DYNC2I1: variants seen among roughly 807,000 people sequenced by gnomAD.
DYNC2I1 encodes dynein 2 intermediate chain 1.
A neutral mutation model predicts 133.4 loss-of-function variants in DYNC2I1; 89 were observed. That is an observed-to-expected ratio of 0.67 (90% CI 0.56 to 0.80). The LOEUF (loss-of-function observed/expected upper bound fraction) is 0.80, where lower values mean the gene tolerates loss of function less well. Among genes scored for constraint, DYNC2I1 ranks in the 30% least tolerant of loss-of-function variants. The pLI, the probability that DYNC2I1 is intolerant of heterozygous loss-of-function variation, is 0.00. For missense variants in DYNC2I1, 1,291 were observed against 1,314.5 expected, an observed-to-expected ratio of 0.98 and a Z score of 0.28; for synonymous variants, 504 against 484.3, an observed-to-expected ratio of 1.04 and a Z score of -0.54.
upstream of DYNC2I1, among the ~76,000 whole-genome samples, chr7:158,855,785 G>A (rs1475246619): frequency 6.6e-6 from 1 of 152,098 alleles, no homozygotes; most frequent in Non-Finnish European, 1.5e-5. Flanking sequence ...GAGTTCGGAG[G>A]TCCTGAGAGT....
At chr7:158,843,190 G>A in the DYNC2I1 span, among the ~76,000 whole-genome samples, 1 of 152,154 alleles carries the variant, frequency 6.6e-6, no homozygotes, top group South Asian at 2.1e-4. Flanking sequence ...CACCTCCCGG[G>A]TTCAAGTGAT....
At chr7:158,923,114 A>G (rs1404901941) in intron 16 of DYNC2I1, among the ~76,000 whole-genome samples, 4 of 152,176 alleles carry the variant, frequency 2.6e-5, no homozygotes, top group African/African-American at 9.7e-5. Flanking sequence ...TGTTTGGGAA[A>G]ATGTGCATTT....
At chr7:158,848,613 T>G in the DYNC2I1 span, among the ~76,000 whole-genome samples, 4 of 152,140 alleles carry the variant, frequency 2.6e-5, no homozygotes, top group Non-Finnish European at 2.9e-5. Context: ...ACAAAGGTCT[T>G]TACAACACCA....
At position 158,869,882 on chromosome 7, in the gene DYNC2I1, G is replaced by A; in HGVS notation, c.43G>A (p.Ala15Thr). ...AAGAACCAAAGATGATACCTGGAAA[G>A]CAGATGACCTCAGAAAACATCTCTG... is the stretch of plus-strand genomic sequence containing the variant. ...KRRTKDDTWK[A>T]DDLRKHLWAI... The change falls in exon 2 of 25, where the codon GCA becomes ACA. Residue 15 changes from alanine (A) to threonine (T), a missense_variant. Coordinates refer to ENST00000407559, the MANE Select transcript of DYNC2I1 (RefSeq NM_018051.5). 1 of 1,613,490 alleles carries A rather than the reference G, an allele frequency of 6.2e-7. No homozygotes were observed. Among genetic ancestry groups the A allele is most frequent in the Non-Finnish European group, 8.5e-7 (1 of 1,179,482 alleles).
intron 3 of DYNC2I1, among the ~76,000 whole-genome samples, chr7:158,875,534 C>T (rs952781393): frequency 2.0e-5 from 3 of 152,232 alleles, no homozygotes; most frequent in Non-Finnish European, 4.4e-5. Context: ...GAAAGTCCAG[C>T]TTTCCTTGTT....
the DYNC2I1 span, among the ~76,000 whole-genome samples, chr7:158,841,217 A>ATTTTT: frequency 2.6e-4 from 18 of 69,122 alleles, 2 homozygotes; most frequent in African/African-American, 1.1e-3. Context: ...ATATATATAT[A>ATTTTT]TATATTTTAG....
chr7:158,929,332 G>T (rs1849954821), intron 20 of DYNC2I1, among the ~76,000 whole-genome samples: 1 of 152,258 alleles, frequency 6.6e-6, no homozygotes, highest in African/African-American at 2.4e-5. Context: ...GAAGACCCCA[G>T]CCCGGGAGAG....
chr7:158,901,208 A>G (rs1434627969), intron 8 of DYNC2I1, among the ~76,000 whole-genome samples: 5 of 152,114 alleles, frequency 3.3e-5, no homozygotes, highest in Non-Finnish European at 2.9e-5. Context: ...GTAGCTGGGA[A>G]CACAGGTGCA....
intron 2 of DYNC2I1, 82 bp from the exon 3 acceptor site, chr7:158,871,060 G>C (rs139200303): frequency 1.4e-6 from 2 of 1,462,804 alleles, no homozygotes; most frequent in Non-Finnish European, 1.8e-6. Context: ...TCAGCTGTGT[G>C]TGCTTCTCAC....
the DYNC2I1 span, among the ~76,000 whole-genome samples, chr7:158,841,937 G>A: frequency 3.3e-5 from 5 of 152,340 alleles, no homozygotes; most frequent in East Asian, 1.9e-4. Context: ...TGTGACTGCC[G>A]GTGGAAGCTC....
intron 15 of DYNC2I1, among the ~76,000 whole-genome samples, chr7:158,920,082 C>T (rs1261079591): frequency 3.4e-5 from 5 of 147,664 alleles, no homozygotes; most frequent in Admixed American, 1.3e-4. Flanking sequence ...TGTATGGCAG[C>T]GCCGGGCCTC....
chr7:158,861,739 G>T (rs1841886006), intron 1 of DYNC2I1, among the ~76,000 whole-genome samples: 1 of 152,218 alleles, frequency 6.6e-6, no homozygotes, highest in Non-Finnish European at 1.5e-5. Flanking sequence ...GTTAGAAGCA[G>T]CCTGTGTGGT....
chr7:158,934,721 G>A (rs1375147216), intron 23 of DYNC2I1, among the ~76,000 whole-genome samples, 172 bp downstream of exon 23: 2 of 152,066 alleles, frequency 1.3e-5, no homozygotes, highest in African/African-American at 2.4e-5. Context: ...GCTGGGACCT[G>A]TACAGGTGCA....
chr7:158,920,730 A>G (rs1270003076), intron 15 of DYNC2I1, among the ~76,000 whole-genome samples: 1 of 152,216 alleles, frequency 6.6e-6, no homozygotes, highest in Non-Finnish European at 1.5e-5. Flanking sequence ...TTGAGATAGC[A>G]GAAGGAATAT....
Position 158,879,675 on chromosome 7 carries a change from G to A in DYNC2I1, c.574-9G>A, listed in dbSNP as rs769162738. The A allele has an allele frequency of 1.9e-5, 30 of 1,561,878 alleles. No homozygotes were observed. In the Admixed American group the frequency reaches 2.5e-4, roughly 13 times the overall value. ...GCTCCTGTGTTTCTCAGCTTGTCGTGTTTTACAGCTGCAGTACGGAGACAG... is the reference window on the plus strand; with the variant it reads ...GCTCCTGTGTTTCTCAGCTTGTCGTATTTTACAGCTGCAGTACGGAGACAG... On this transcript the variant is annotated splice_polypyrimidine_tract_variant and intron_variant, in intron 4 of 24. Coordinates refer to ENST00000407559, the MANE Select transcript of DYNC2I1 (RefSeq NM_018051.5).
chr7:158,951,946 C>A (rs531328154), intron 4 of DYNC2I1, among the ~76,000 whole-genome samples: 1 of 152,268 alleles, frequency 6.6e-6, no homozygotes, highest in African/African-American at 2.4e-5. Context: ...GGAATAGAAT[C>A]GCCCTGGGTT....
intron 11 of DYNC2I1, among the ~76,000 whole-genome samples, chr7:158,911,198 G>A (rs1319688795): frequency 6.6e-6 from 1 of 152,238 alleles, no homozygotes; most frequent in Non-Finnish European, 1.5e-5. Context: ...GTCAGCTCCT[G>A]AAGTCAAATG....
chr7:158,880,955 G>C (rs1843937849), intron 5 of DYNC2I1, among the ~76,000 whole-genome samples: 1 of 152,132 alleles, frequency 6.6e-6, no homozygotes, highest in African/African-American at 2.4e-5. Context: ...ACACCTTCAG[G>C]GATGAGACTG....
At chr7:158,839,744 C>T in the DYNC2I1 span, among the ~76,000 whole-genome samples, 8 of 151,778 alleles carry the variant, frequency 5.3e-5, no homozygotes, top group South Asian at 2.1e-4. Flanking sequence ...GGCGTGAACC[C>T]GGGAGGCGGA....
Sources: allele counts gnomAD v4.1 joint callset (sites outside exome capture counted in the v4.1 genomes callset), GRCh38; gene constraint gnomAD v4.1.1; transcripts MANE v1.5; gene names NCBI Gene and HGNC (gene_info 2026-07-23, HGNC 2026-07-21).